The following SEMA5A variants were observed in gnomAD, a reference collection of about 807,000 sequenced individuals.
The protein encoded by SEMA5A is semaphorin 5A, also known as semaphorin-5A.
A neutral mutation model predicts 135.5 loss-of-function variants in SEMA5A; 55 were observed. That is an observed-to-expected ratio of 0.41 (90% CI 0.33 to 0.51). The LOEUF (loss-of-function observed/expected upper bound fraction) is 0.51. SEMA5A is among the 20% of genes least tolerant of loss of function. The pLI, the probability that SEMA5A is intolerant of heterozygous loss-of-function variation, is 0.37. For missense variants in SEMA5A, 1,290 were observed against 1,419.9 expected (o/e 0.91, Z 1.47); for synonymous variants, 580 against 546.5 (o/e 1.06, Z -0.85).
intron 4 of SEMA5A, among the ~76,000 whole-genome samples, chr5:9,326,191 T>A (rs1471047661): frequency 6.6e-6 from 1 of 152,116 alleles, no homozygotes; most frequent in Non-Finnish European, 1.5e-5. Flanking sequence ...ACAGAACTTT[T>A]CAAGTATAGT....
chr5:9,374,769 C>A (rs909551370), intron 3 of SEMA5A, among the ~76,000 whole-genome samples: 4 of 152,096 alleles, frequency 2.6e-5, no homozygotes, highest in Admixed American at 2.6e-4. Flanking sequence ...AGACAGAGAT[C>A]TTCAGGAACT....
chr5:9,108,265 A>G lies in SEMA5A; in HGVS notation c.1948T>C (p.Cys650Arg), dbSNP rs1373368574. The part of the protein sequence containing the change: ...EERYCNEHLL[C>R]PPHMFWTGWG... ...CCTGTCCAGAACATGTGTGGGGGAC[A>G]TAGCAAATGTTCATTGCAGTATCTG... is the stretch of plus-strand genomic sequence containing the variant. The change falls in exon 16 of 23, where the codon TGT becomes CGT. Residue 650 changes from cysteine to arginine, a missense_variant. Cys to Arg is a radical substitution (Grantham distance 180, BLOSUM62 -3). Transcript: ENST00000382496. 10 of 1,614,082 alleles carry G rather than the reference A, an allele frequency of 6.2e-6. No homozygotes were observed. Among genetic ancestry groups the G allele is most frequent in the Non-Finnish European group, 8.5e-6 (10 of 1,180,052 alleles).
chr5:9,306,796 G>A (rs933107247), intron 5 of SEMA5A, among the ~76,000 whole-genome samples: 3 of 152,098 alleles, frequency 2.0e-5, no homozygotes, highest in African/African-American at 7.2e-5. Flanking sequence ...TACCTTTATT[G>A]TCACTTAAAT....
At chr5:9,429,111 G>C (rs151038787) in intron 2 of SEMA5A, among the ~76,000 whole-genome samples, 1 of 152,148 alleles carries the variant, frequency 6.6e-6, no homozygotes, top group South Asian at 2.1e-4. Flanking sequence ...GGAAGAGAAA[G>C]GTTCATGGAA....
chr5:9,266,098 G>A (rs1749670920), intron 5 of SEMA5A, among the ~76,000 whole-genome samples: 1 of 152,202 alleles, frequency 6.6e-6, no homozygotes, highest in Non-Finnish European at 1.5e-5. Context: ...CACTGTATGA[G>A]CTCCAAATAC....
At chr5:9,318,349 T>C in intron 5 of SEMA5A, 23 bp downstream of exon 5, 1 of 1,605,558 alleles carries the variant, frequency 6.2e-7, no homozygotes, top group South Asian at 1.1e-5. Flanking sequence ...AATGAAAGCT[T>C]GAGAAAAATA....
rs928754346 is a variant in SEMA5A, at chr5:9,040,222, G to C, written c.*2675C>G. The stretch of plus-strand genomic sequence containing the variant: ...AGGCAGGAAGGAAGAACAAAAGGAG[G>C]GAATGAAGGACAAAAACAAAGATAA... On this transcript the variant is annotated 3_prime_UTR_variant, in exon 23 of 23. Coordinates refer to ENST00000382496, the MANE Select transcript of SEMA5A (RefSeq NM_003966.3). 3.3e-5 allele frequency: 5 copies of C among 152,098 alleles called. No homozygotes were observed. Among genetic ancestry groups the C allele is most frequent in the Admixed American group, 2.0e-4 (3 of 15,270 alleles). 9.4% of individuals were successfully genotyped at this position (152,098 alleles called of 1,614,324 possible).
chr5:9,144,335 T>C (rs1742215638), intron 12 of SEMA5A, among the ~76,000 whole-genome samples: 1 of 152,204 alleles, frequency 6.6e-6, no homozygotes, highest in African/African-American at 2.4e-5. Flanking sequence ...GCAGAAGGTG[T>C]CAAGTAATAC....
intron 3 of SEMA5A, among the ~76,000 whole-genome samples, chr5:9,366,383 T>A (rs1754913463): frequency 6.6e-6 from 1 of 151,590 alleles, no homozygotes; most frequent in Admixed American, 6.6e-5. Flanking sequence ...GCTCCTGCAA[T>A]AAAGAATTCT....
At chr5:9,053,936 A>G (rs755491652) in intron 19 of SEMA5A, 151 bp downstream of exon 19, 30 of 771,284 alleles carry the variant, frequency 3.9e-5, no homozygotes, top group Non-Finnish European at 4.6e-5. Flanking sequence ...GCTATGTTTT[A>G]AAGTCACTTC....
At chr5:9,476,351 G>A (rs924102992) in intron 1 of SEMA5A, among the ~76,000 whole-genome samples, 6 of 151,978 alleles carry the variant, frequency 3.9e-5, no homozygotes, top group Admixed American at 3.3e-4. Flanking sequence ...ACATGTTGGG[G>A]GTTTACTTTT....
rs113133573 is a variant in SEMA5A at position 9,122,932 on chromosome 5, T to G, written c.1600-95A>C. The G allele has an allele frequency of 6.4e-3, 7,203 of 1,127,646 alleles. 87 individuals are homozygous for G. Among genetic ancestry groups the G allele is most frequent in the African/African-American group, 0.039 (2,420 of 61,988 alleles). The allele number at this position is 1,127,646 out of a possible 1,614,324, so 69.9% of individuals were successfully genotyped here. The stretch of plus-strand genomic sequence containing the variant: ...AAATCCCTCATAAGACAATCAAAAC[T>G]CCTCTAGAATTTGTTGTTGTTGTTG... On this transcript the variant is annotated intron_variant, in intron 13 of 22. Coordinates refer to ENST00000382496, the MANE Select transcript of SEMA5A (RefSeq NM_003966.3).
chr5:9,455,696 C>T (rs1161792700), intron 1 of SEMA5A, among the ~76,000 whole-genome samples: 1 of 152,206 alleles, frequency 6.6e-6, no homozygotes, highest in Non-Finnish European at 1.5e-5. Flanking sequence ...TTAAAAATGA[C>T]TATTCCATTT....
intron 2 of SEMA5A, among the ~76,000 whole-genome samples, chr5:9,407,657 A>G (rs1358623495): frequency 1.3e-5 from 2 of 152,198 alleles, no homozygotes; most frequent in African/African-American, 4.8e-5. Flanking sequence ...AAGAGGGGCT[A>G]TACCTTCACA....
At chr5:9,120,448 A>G (rs1336119197) in intron 14 of SEMA5A, among the ~76,000 whole-genome samples, 2 of 152,108 alleles carry the variant, frequency 1.3e-5, no homozygotes, top group Non-Finnish European at 2.9e-5. Flanking sequence ...GATTTAATAA[A>G]ATATGTAGTA....
At chr5:9,108,358 C>T in intron 15 of SEMA5A, 71 bp from the exon 16 acceptor site, 1 of 1,554,458 alleles carries the variant, frequency 6.4e-7, no homozygotes, top group South Asian at 1.2e-5. Context: ...TTTCCATCTC[C>T]ATCCCTGCAC....
chr5:9,226,285 C>T (rs1238524341), intron 7 of SEMA5A, among the ~76,000 whole-genome samples: 2 of 152,174 alleles, frequency 1.3e-5, no homozygotes, highest in Non-Finnish European at 1.5e-5. Flanking sequence ...GAAGATTCCA[C>T]GTGTGTTCTA....
chr5:9,161,735 C>G (rs1010827544), intron 11 of SEMA5A, among the ~76,000 whole-genome samples: 3 of 152,232 alleles, frequency 2.0e-5, no homozygotes, highest in African/African-American at 7.2e-5. Context: ...TCCAAACCCA[C>G]AACATCATGA....
chr5:9,039,256 C>T lies in SEMA5A; in HGVS notation c.*3641G>A, dbSNP rs931752747. On this transcript the variant is annotated 3_prime_UTR_variant, in exon 23 of 23. Coordinates refer to ENST00000382496, the MANE Select transcript of SEMA5A (RefSeq NM_003966.3). ...TGGGCAACCGTTTCCGGGAACTGTC[C>T]ATAGCACTTGCTGGGGTGACCAGGT... 1 of 152,346 alleles carries T rather than the reference C, an allele frequency of 6.6e-6. No homozygotes were observed. The highest frequency in any genetic ancestry group is 1.5e-5 in the Non-Finnish European group (1 of 68,150). 9.4% of individuals were successfully genotyped at this position (152,346 alleles called of 1,614,324 possible). A position where few individuals can be genotyped will look rare whatever the true frequency, so the allele number is the denominator to read the frequency against.
Sources: allele counts gnomAD v4.1 joint callset (sites outside exome capture counted in the v4.1 genomes callset), GRCh38; gene constraint gnomAD v4.1.1; transcripts MANE v1.5; gene names NCBI Gene and HGNC (gene_info 2026-07-23, HGNC 2026-07-21).